The following FN1 variants were observed in gnomAD, a reference collection of about 807,000 sequenced individuals.
The protein encoded by FN1 is fibronectin 1.
FN1 carries 106 observed loss-of-function variants against 297.3 expected under a neutral mutation model. The observed-to-expected ratio is 0.36, with a 90% CI of 0.30 to 0.42. FN1 has a LOEUF of 0.42. FN1 is among the 10% of genes least tolerant of loss of function. The probability of loss-of-function intolerance (pLI) is 1.00; values close to 1 mark genes in which losing one functional copy is unlikely to be tolerated. For synonymous variants in FN1, 1,149 were observed against 1,152.6 expected (o/e 1.00, Z 0.06); for missense variants, 2,690 against 3,124.9 (o/e 0.86, Z 3.32).
At chr2:215,421,243 G>A (rs892091385) in intron 10 of FN1, 6 of 237,072 alleles carry the variant, frequency 2.5e-5, no homozygotes, top group Non-Finnish European at 5.0e-5. Context: ...TAGGGGGAAG[G>A]GGAGGAGATA....
At chr2:215,370,798 C>T (rs900267842) in intron 40 of FN1, among the ~76,000 whole-genome samples, 5 of 152,082 alleles carry the variant, frequency 3.3e-5, no homozygotes, top group South Asian at 2.1e-4. Context: ...CTGGACACTG[C>T]GCTATATGGG....
chr2:215,420,906 A>G (rs567136325), intron 10 of FN1, 105 bp from the exon 11 acceptor site: 4 of 991,808 alleles, frequency 4.0e-6, no homozygotes, highest in Middle Eastern at 2.5e-4. Context: ...CTTAATTATC[A>G]ACACCTTCCA....
intron 45 of FN1, 102 bp from the exon 46 acceptor site, chr2:215,361,728 A>T: frequency 9.7e-7 from 1 of 1,028,402 alleles, no homozygotes; most frequent in Non-Finnish European, 1.5e-6. Context: ...CTGCTTATAG[A>T]TAGGATAATA....
intron 9 of FN1, 53 bp from the exon 10 acceptor site, chr2:215,422,296 CAT>C: frequency 1.3e-6 from 2 of 1,534,930 alleles, no homozygotes; most frequent in Non-Finnish European, 1.8e-6. Flanking sequence ...CAGGTCTAAA[CAT>C]GTATGTGTGC....
Position 215,365,370 on chromosome 2 carries a change from A to G in FN1, c.7144+135T>C, listed in dbSNP as rs904300400. The G allele has an allele frequency of 4.1e-6, 4 of 972,058 alleles. No homozygotes were observed. In the African/African-American group the frequency reaches 4.9e-5, roughly 12 times the overall value. 60.2% of individuals were successfully genotyped at this position (972,058 alleles called of 1,614,324 possible). On this transcript the variant is annotated intron_variant, in intron 43 of 45. Coordinates refer to ENST00000354785, the MANE Select transcript of FN1 (RefSeq NM_212482.4). The stretch of plus-strand genomic sequence containing the variant: ...AGCTTGTCTCCACTTTCCCAAATCA[A>G]AAGATTAAGAAACCCACTGTTCACT...
At chr2:215,364,275 A>G (rs983885495) in intron 44 of FN1, 1 of 177,734 alleles carries the variant, frequency 5.6e-6, no homozygotes, top group Middle Eastern at 2.7e-3. Context: ...GAGAGGTTAA[A>G]AGAAGTGGCA....
At chr2:215,421,384 A>G (rs984140301) in intron 10 of FN1, 1 of 191,582 alleles carries the variant, frequency 5.2e-6, no homozygotes, top group Non-Finnish European at 1.1e-5. Flanking sequence ...TCCTTGATCT[A>G]TATAGAGTGA....
Position 215,404,485 on chromosome 2 carries a change from G to A in FN1, c.3157C>T (p.Leu1053=), listed in dbSNP as rs1340044525. 1.2e-6 allele frequency: 2 copies of A among 1,614,084 alleles called. No homozygotes were observed. Among genetic ancestry groups the A allele is most frequent in the Admixed American group, 3.3e-5 (2 of 60,014 alleles). Residue 1053 remains leucine, a synonymous_variant, in exon 20 of 46, where the codon CTG becomes TTG. Transcript: ENST00000354785. ...NVGPSVSKYP[L]RNLQPASEYT... ...TCAGATGCAGGCTGCAGATTCCTCA[G>A]TGGGTACTTGGAGACAGAGGGACCC...
chr2:215,419,461 A>G (rs957491865), intron 11 of FN1, 76 bp from the exon 12 acceptor site: 1 of 1,229,196 alleles, frequency 8.1e-7, no homozygotes, highest in Non-Finnish European at 1.2e-6. Flanking sequence ...GTGCTAGAGC[A>G]TACATTTAGC....
Position 215,376,648 on chromosome 2 carries a change from C to T in FN1, c.5737G>A (p.Val1913Met). 6.2e-7 allele frequency: 1 copy of T among 1,614,008 alleles called. No individual in the cohort carries two copies. Among genetic ancestry groups the T allele is most frequent in the Non-Finnish European group, 8.5e-7 (1 of 1,179,994 alleles). Reference protein sequence around the residue: ...ENVSPPRRARVTDATETTITI... With the variant: ...ENVSPPRRARMTDATETTITI... Reference sequence around the variant, plus strand: ...ATGGTGGTCTCAGTAGCATCTGTCACACGAGCCCTTCTTGGTGGGCTGACA... The same window carrying T: ...ATGGTGGTCTCAGTAGCATCTGTCATACGAGCCCTTCTTGGTGGGCTGACA... Residue 1913 changes from valine to methionine, a missense_variant, in exon 36 of 46, where the codon GTG (valine) becomes ATG (methionine). By Grantham distance (21) the Val-to-Met change is conservative. This residue lies in a region of FN1 where 1,743 missense variants were observed against 1,945.2 expected (regional missense o/e 0.90). Transcript: ENST00000354785.
At chr2:215,412,191 CTTTTT>C (rs11315848) in intron 13 of FN1, among the ~76,000 whole-genome samples, 1 of 144,548 alleles carries the variant, frequency 6.9e-6, no homozygotes, top group Non-Finnish European at 1.5e-5. Context: ...AATGACTTTT[CTTTTT>C]TTTTTTTTCA....
At chr2:215,375,751 TCTTG>T in intron 36 of FN1, 33 bp from the exon 37 acceptor site, 1 of 1,410,400 alleles carries the variant, frequency 7.1e-7, no homozygotes, top group Non-Finnish European at 1.0e-6. Context: ...TTTTAACAGT[TCTTG>T]CTTTTTACTA....
intron 4 of FN1, 107 bp downstream of exon 4, chr2:215,431,726 G>T: frequency 8.9e-7 from 1 of 1,126,628 alleles, no homozygotes. Context: ...TTTCTTTATT[G>T]GTTTTCACTG....
At chr2:215,365,013 G>A (rs771761173) in intron 43 of FN1, 28 bp from the exon 44 acceptor site, 49 of 1,401,656 alleles carry the variant, frequency 3.5e-5, no homozygotes, top group Non-Finnish European at 4.4e-5. Flanking sequence ...ACAGATGCAC[G>A]CATAAGCTGA....
At chr2:215,386,278 T>C (rs1037995135) in intron 28 of FN1, among the ~76,000 whole-genome samples, 2 of 151,912 alleles carry the variant, frequency 1.3e-5, no homozygotes, top group South Asian at 2.1e-4. Context: ...GGTTTCACTA[T>C]GTTGGCCAGG....
At chr2:215,368,153 G>T in intron 41 of FN1, 126 bp from the exon 42 acceptor site, 1 of 1,021,230 alleles carries the variant, frequency 9.8e-7, no homozygotes, top group Admixed American at 2.0e-5. Flanking sequence ...GGATTAAGAG[G>T]CATTCATCTG....
chr2:215,367,205 A>T (rs2054808593), intron 42 of FN1, among the ~76,000 whole-genome samples: 1 of 152,228 alleles, frequency 6.6e-6, no homozygotes, highest in African/African-American at 2.4e-5. Flanking sequence ...ATAAATTCTA[A>T]TCCTAATCTC....
Position 215,407,253 on chromosome 2 carries a change from T to C in FN1, c.2587A>G (p.Asn863Asp), listed in dbSNP as rs765458717. ...TGCAAGTCACTGAGGGTGACGGAGT[T>C]TGCAGTTTCAGGAAGGTTGAGTTCT... ...STELNLPETANSVTLSDLQPG... is the reference protein window; with the variant it reads ...STELNLPETADSVTLSDLQPG... The change falls in exon 18 of 46, where the codon AAC becomes GAC. Residue 863 changes from asparagine to aspartate, a missense_variant. Coordinates refer to ENST00000354785, the MANE Select transcript of FN1 (RefSeq NM_212482.4). The C allele has an allele frequency of 5.6e-6, 9 of 1,614,184 alleles. No homozygotes were observed. In the Admixed American group the frequency reaches 1.5e-4, roughly 27 times the overall value.
At position 215,414,419 on chromosome 2, in the gene FN1, A is replaced by C. The variant is rs144453484; in HGVS notation, c.1941+418T>G. 4.8e-3 allele frequency among the ~76,000 whole-genome samples: 736 copies of C among 152,284 alleles called. 7 individuals carry two copies. Among genetic ancestry groups the C allele is most frequent in the African/African-American group, 0.016 (683 of 41,552 alleles). On this transcript the variant is annotated intron_variant, in intron 13 of 45. Coordinates refer to ENST00000354785, the MANE Select transcript of FN1 (RefSeq NM_212482.4). ...ACTTAAAAAGTGAATCAAAAAAGAA[A>C]TATATTAATTTGGCTTTTTTTTTCA...
Sources: gnomAD v4.1 joint callset for allele counts (sites outside exome capture counted in the v4.1 genomes callset) on GRCh38, gnomAD v4.1.1 for gene constraint, gnomAD v4.1.1 regional missense constraint, MANE v1.5 for transcripts, NCBI Gene and HGNC (gene_info 2026-07-23, HGNC 2026-07-21) for gene names.